Variants in HMCN1 observed in about 807,000 individuals in gnomAD.
HMCN1 encodes hemicentin 1, also known as hemicentin-1.
HMCN1 carries 321 observed loss-of-function variants against 625.9 expected under a neutral mutation model. The observed-to-expected ratio is 0.51, with a 90% confidence interval of 0.47 to 0.56. The LOEUF (loss-of-function observed/expected upper bound fraction) is 0.56. Ranked by LOEUF, HMCN1 falls within the 20% of genes least tolerant of loss-of-function variation. The probability of loss-of-function intolerance (pLI) is 0.00; values close to 1 mark genes in which losing one functional copy is unlikely to be tolerated. For missense variants in HMCN1, 6,588 were observed against 6,887.3 expected (o/e 0.96, Z 1.54); for synonymous variants, 2,425 against 2,417.6 (o/e 1.00, Z -0.09).
At position 185,981,042 on chromosome 1, in the gene HMCN1, G is replaced by C; in HGVS notation, c.2631G>C (p.Gln877His). 6.2e-7 allele frequency: 1 copy of C among 1,611,366 alleles called. No homozygotes were observed. The highest frequency in any genetic ancestry group is 1.1e-5 in the South Asian group (1 of 91,054). Residue 877 changes from glutamine to histidine, a missense_variant, in exon 17 of 107, where the codon CAG becomes CAC. By Grantham distance (24) the Gln-to-His change is conservative. Transcript: ENST00000271588. ...CTGAAAACCAGTTTGGAAAGATCCA[G>C]TCAGAGACAACAGTAACAGTGACCG... ...CEAENQFGKIQSETTVTVTGL... is the reference protein window; with the variant it reads ...CEAENQFGKIHSETTVTVTGL...
chr1:186,003,686 C>T (rs1236924293), intron 28 of HMCN1, 32 bp from the exon 29 acceptor site: 4 of 1,611,056 alleles, frequency 2.5e-6, no homozygotes, highest in Admixed American at 3.3e-5. Context: ...TGCTGAGTAA[C>T]AGAGTTTCAT....
Position 186,088,675 on chromosome 1 carries a change from A to C in HMCN1, c.9647A>C (p.His3216Pro). 1 of 1,612,054 alleles carries C rather than the reference A, an allele frequency of 6.2e-7. No individual in the cohort carries two copies. Among genetic ancestry groups the C allele is most frequent in the Non-Finnish European group, 8.5e-7 (1 of 1,178,848 alleles). Reference protein sequence around the residue: ...GSKLQIARSQHSDSGNYTCIA... With the variant: ...GSKLQIARSQPSDSGNYTCIA... ...AAACTCCAGATTGCCCGGTCTCAGC[A>C]TTCAGATAGTGGAAACTATACATGT... The change falls in exon 63 of 107, where the codon CAT becomes CCT. Residue 3216 changes from histidine to proline, a missense_variant. This residue lies in a region of HMCN1 where 4,628 missense variants were observed against 4,853.1 expected (regional missense o/e 0.95). Transcript: ENST00000271588.
intron 1 of HMCN1, among the ~76,000 whole-genome samples, chr1:185,752,801 C>T (rs886624966): frequency 6.6e-6 from 1 of 152,108 alleles, no homozygotes; most frequent in Non-Finnish European, 1.5e-5. Flanking sequence ...AAACTACTTT[C>T]CTGGCAATAG....
chr1:186,003,833 C>A lies in HMCN1; in HGVS notation c.4464C>A (p.Phe1488Leu). The A allele has an allele frequency of 6.2e-7, 1 of 1,613,074 alleles. No homozygotes were observed. The highest frequency in any genetic ancestry group is 8.5e-7 in the Non-Finnish European group (1 of 1,179,360). Residue 1488 changes from phenylalanine to leucine, a missense_variant, in exon 29 of 107, where the codon TTC becomes TTA. Coordinates refer to ENST00000271588, the MANE Select transcript of HMCN1 (RefSeq NM_031935.3). ...KGTPFPDIHW[F>L]KDGKPLFLGD... is the part of the protein sequence containing the mutation. ...CTCCCTTTCCTGATATTCATTGGTTCAAAGATGGCAAGTGAGTATCTTTTC... is the reference window on the plus strand; with the variant it reads ...CTCCCTTTCCTGATATTCATTGGTTAAAAGATGGCAAGTGAGTATCTTTTC...
chr1:186,039,498 A>G (rs1656067314), intron 38 of HMCN1, among the ~76,000 whole-genome samples: 1 of 152,158 alleles, frequency 6.6e-6, no homozygotes, highest in African/African-American at 2.4e-5. Flanking sequence ...ACAAACTGGC[A>G]AAACTTGTTT....
intron 14 of HMCN1, among the ~76,000 whole-genome samples, chr1:185,967,795 C>T (rs1650525535): frequency 6.6e-6 from 1 of 152,058 alleles, no homozygotes; most frequent in Non-Finnish European, 1.5e-5. Context: ...AGGAAGAGTT[C>T]CTGCCTTCAC....
Position 185,909,389 on chromosome 1 carries a change from C to T in HMCN1, c.674C>T (p.Ser225Phe), listed in dbSNP as rs753969337. 6.2e-7 allele frequency: 1 copy of T among 1,613,082 alleles called. No individual in the cohort carries two copies. The highest frequency in any genetic ancestry group is 1.7e-5 in the Admixed American group (1 of 59,956). The change falls in exon 5 of 107, where the codon TCC becomes TTC. Residue 225 changes from serine to phenylalanine, a missense_variant. Physicochemically the swap from Ser to Phe is radical, Grantham distance 155. Around this residue, in one of 3 missense-constraint regions of HMCN1, gnomAD observed 4,628 missense variants for 4,853.1 expected, o/e 0.95. Coordinates refer to ENST00000271588, the MANE Select transcript of HMCN1 (RefSeq NM_031935.3). ...AVQASKVHLL[S>F]TDHLEQAVNT... ...CAGGCCTCCAAAGTTCACCTTTTAT[C>T]CACAGATCATTTGGAACAGGCTGTA... is the stretch of plus-strand genomic sequence containing the variant.
chr1:186,164,205 T>C (rs1571447001), intron 97 of HMCN1, among the ~76,000 whole-genome samples: 1 of 152,126 alleles, frequency 6.6e-6, no homozygotes, highest in East Asian at 1.9e-4. Flanking sequence ...AACCTGTTCT[T>C]GTTAGCTTTT....
chr1:185,846,640 A>T (rs1224180169), intron 2 of HMCN1, among the ~76,000 whole-genome samples: 1 of 152,188 alleles, frequency 6.6e-6, no homozygotes, highest in Non-Finnish European at 1.5e-5. Context: ...TGCTGAATTT[A>T]TTCATTTAAA....
In HMCN1 at chr1:186,178,564, C is replaced by CA. The variant is rs748121458; in HGVS notation, c.16093dup (p.Thr5365AsnfsTer5). 6.2e-7 allele frequency: 1 copy of CA among 1,614,118 alleles called. No homozygotes were observed. The highest frequency in any genetic ancestry group is 1.1e-5 in the South Asian group (1 of 91,082). On this transcript the variant is annotated frameshift_variant, in exon 104 of 107. Coordinates refer to ENST00000271588, the MANE Select transcript of HMCN1 (RefSeq NM_031935.3). LOFTEE classifies it high-confidence loss of function. The stretch of plus-strand genomic sequence containing the variant: ...GATTGGAGAGGCTGCCAAATTATGG[C>CA]ACTCAATACAGTAGCTATAACCTTG...
chr1:186,065,061 T>A (rs1658018587), intron 48 of HMCN1, among the ~76,000 whole-genome samples, 177 bp from the exon 49 acceptor site: 1 of 152,190 alleles, frequency 6.6e-6, no homozygotes, highest in South Asian at 2.1e-4. Flanking sequence ...AAAGTCAACA[T>A]AACCATTATT....
At chr1:185,841,618 G>A (rs558706874) in intron 1 of HMCN1, among the ~76,000 whole-genome samples, 2 of 152,234 alleles carry the variant, frequency 1.3e-5, no homozygotes, top group East Asian at 3.9e-4. Flanking sequence ...TGTGTACTGA[G>A]GCAGTTAATC....
intron 20 of HMCN1, 27 bp downstream of exon 20, chr1:185,987,571 C>A: frequency 1.4e-6 from 2 of 1,461,778 alleles, no homozygotes; most frequent in South Asian, 1.1e-5. Context: ...GTTATATTTC[C>A]TGAAGAGCAG....
chr1:186,105,023 TAAAGGC>T (rs756463660), intron 69 of HMCN1, among the ~76,000 whole-genome samples: 45 of 152,268 alleles, frequency 3.0e-4, no homozygotes, highest in Middle Eastern at 3.4e-3. Flanking sequence ...CTGTAGGTCT[TAAAGGC>T]AAGAACAAAA....
chr1:185,903,381 A>G (rs991843255), intron 4 of HMCN1, among the ~76,000 whole-genome samples: 3 of 151,694 alleles, frequency 2.0e-5, no homozygotes, highest in African/African-American at 7.3e-5. Flanking sequence ...AGCCATTCCA[A>G]TTTCTAAGCT....
Position 186,178,695 on chromosome 1 carries a change from T to C in HMCN1, c.16223T>C (p.Leu5408Pro). Residue 5408 changes from leucine to proline, a missense_variant, in exon 104 of 107, where the codon CTC becomes CCC. Leu to Pro is a moderately conservative substitution (Grantham distance 98). This residue lies in a region of HMCN1 where 1,954 missense variants were observed against 2,013.1 expected (regional missense o/e 0.97). Transcript: ENST00000271588. ...GAGTATAGAAACAGCAGAACATCTCTCTCCAGGACTAGAAGGACTATTAGG... is the reference window on the plus strand; with the variant it reads ...GAGTATAGAAACAGCAGAACATCTCCCTCCAGGACTAGAAGGACTATTAGG... ...YSEYRNSRTS[L>P]SRTRRTIRKT... The C allele has an allele frequency of 6.2e-6, 10 of 1,613,956 alleles. No homozygotes were observed. The highest frequency in any genetic ancestry group is 7.6e-6 in the Non-Finnish European group (9 of 1,179,880).
chr1:186,029,140 G>A (rs1299244862), intron 36 of HMCN1, among the ~76,000 whole-genome samples: 1 of 151,342 alleles, frequency 6.6e-6, no homozygotes, highest in Admixed American at 6.6e-5. Context: ...CTTAATAGAA[G>A]TCTTTCAGAA....
chr1:186,128,916 A>G (rs1434487503), intron 83 of HMCN1, among the ~76,000 whole-genome samples: 2 of 151,970 alleles, frequency 1.3e-5, no homozygotes, highest in African/African-American at 4.8e-5. Flanking sequence ...CACTGTTAGC[A>G]TTTACTAAGT....
Position 185,989,510 on chromosome 1 carries a change from G to T in HMCN1, c.3071G>T (p.Ser1024Ile). ...WSKKGELIST[S>I]SAKFSAGADG... ...CAGAAAGGAGAGCTGATTTCAACCA[G>T]CAGTGCTAAGTTTTCAGCAGGAGCT... is the stretch of plus-strand genomic sequence containing the variant. Residue 1024 changes from serine to isoleucine, a missense_variant, in exon 21 of 107, where the codon AGC (serine) becomes ATC (isoleucine). By Grantham distance (142) the Ser-to-Ile change is moderately radical. Transcript: ENST00000271588. The T allele has an allele frequency of 6.2e-7, 1 of 1,613,998 alleles. No homozygotes were observed. Among genetic ancestry groups the T allele is most frequent in the Non-Finnish European group, 8.5e-7 (1 of 1,179,966 alleles).
Sources: allele counts gnomAD v4.1 joint callset (sites outside exome capture counted in the v4.1 genomes callset), GRCh38; gene constraint gnomAD v4.1.1; regional missense constraint gnomAD v4.1.1; transcripts MANE v1.5; gene names NCBI Gene and HGNC (gene_info 2026-07-23, HGNC 2026-07-21).